Variants in ADGRA2 observed in about 807,000 individuals in gnomAD.
ADGRA2 encodes G-protein coupled receptor 124.
A neutral mutation model predicts 98.7 loss-of-function variants in ADGRA2; 61 were observed. That is an observed-to-expected ratio of 0.62 (90% CI 0.50 to 0.76). ADGRA2 has a LOEUF of 0.76. Among genes scored for constraint, ADGRA2 ranks in the 30% least tolerant of loss-of-function variants. The pLI, the probability that ADGRA2 is intolerant of heterozygous loss-of-function variation, is 0.00. For missense variants in ADGRA2, 1,712 were observed against 1,860.0 expected (o/e 0.92, Z 1.46); for synonymous variants, 858 against 831.5 (o/e 1.03, Z -0.55).
At chr8:37,821,922 G>A (rs1455782153) in intron 2 of ADGRA2, among the ~76,000 whole-genome samples, 2 of 152,138 alleles carry the variant, frequency 1.3e-5, no homozygotes, top group Non-Finnish European at 2.9e-5. Flanking sequence ...GGGGCCGAGG[G>A]TGAGGCTGCT....
At chr8:37,812,703 T>C (rs1053808287) in intron 1 of ADGRA2, among the ~76,000 whole-genome samples, 6 of 151,906 alleles carry the variant, frequency 3.9e-5, no homozygotes, top group Non-Finnish European at 8.8e-5. Context: ...GTCTCACTCT[T>C]GCCCAGGGTG....
chr8:37,842,022 C>CAGCT lies in ADGRA2; in HGVS notation c.3686_3689dup (p.Tyr1230Ter). ...GCAGTCTGCACAACAGCCCCACCGA[C>CAGCT]AGCTACCTGGGCAGCAGCCGCAACA... On this transcript the variant is annotated frameshift_variant, in exon 19 of 19. Coordinates refer to ENST00000412232, the MANE Select transcript of ADGRA2 (RefSeq NM_032777.10). LOFTEE classifies it low-confidence loss of function (END_TRUNC). 1 of 1,519,898 alleles carries CAGCT rather than the reference C, an allele frequency of 6.6e-7. No individual in the cohort carries two copies. The highest frequency in any genetic ancestry group is 8.8e-7 in the Non-Finnish European group (1 of 1,141,112). The allele number at this position is 1,519,898 out of a possible 1,614,324, so 94.2% of individuals were successfully genotyped here.
intron 15 of ADGRA2, 47 bp from the exon 16 acceptor site, chr8:37,839,452 C>T (rs1254235003): frequency 6.2e-7 from 1 of 1,610,108 alleles, no homozygotes; most frequent in Non-Finnish European, 8.5e-7. Context: ...CCCCATGGGC[C>T]TGACCTTGGG....
chr8:37,840,835 G>A lies in ADGRA2; in HGVS notation c.2733G>A (p.Arg911=). ...CTGCAGTCAACATCCACAACTACCG[G>A]GACCACAGCCCCTAGTGAGCACCCC... is the stretch of plus-strand genomic sequence containing the variant. ...ITAAVNIHNY[R]DHSPYCWLVW... Residue 911 remains arginine (R), a synonymous_variant, in exon 18 of 19, where the codon CGG becomes CGA. Coordinates refer to ENST00000412232, the MANE Select transcript of ADGRA2 (RefSeq NM_032777.10). The A allele has an allele frequency of 6.2e-7, 1 of 1,600,778 alleles. No individual in the cohort carries two copies. Among genetic ancestry groups the A allele is most frequent in the East Asian group, 2.2e-5 (1 of 44,812 alleles).
At chr8:37,829,814 T>C in intron 5 of ADGRA2, 37 bp from the exon 6 acceptor site, 1 of 1,589,292 alleles carries the variant, frequency 6.3e-7, no homozygotes, top group South Asian at 1.1e-5. Flanking sequence ...CCACACTCCC[T>C]CTGCTCTGCT....
Position 37,841,792 on chromosome 8 carries a change from G to C in ADGRA2, c.3454G>C (p.Ala1152Pro). 1 of 1,531,694 alleles carries C rather than the reference G, an allele frequency of 6.5e-7. No individual in the cohort carries two copies. 94.9% of individuals were successfully genotyped at this position (1,531,694 alleles called of 1,614,324 possible). Reference protein sequence around the residue: ...AQSQVCEAGAAAGGEGEPEPA... With the variant: ...AQSQVCEAGAPAGGEGEPEPA... ...GAGTCAGGTGTGCGAGGCGGGGGCG[G>C]CGGCCGGCGGGGAAGGAGAGCCGGA... The change falls in exon 19 of 19, where the codon GCG (alanine) becomes CCG (proline). Residue 1152 changes from alanine (A) to proline (P), a missense_variant. Physicochemically the swap from Ala to Pro is conservative, Grantham distance 27. Coordinates refer to ENST00000412232, the MANE Select transcript of ADGRA2 (RefSeq NM_032777.10). This position sits in a 1 kb window ranked among gnomAD's most constrained non-coding sequence, Gnocchi z 5.0.
rs924698711 is a variant in ADGRA2, at chr8:37,802,358, A to C, written c.266+4824A>C. Among the ~76,000 whole-genome samples, 3 of 152,124 alleles carry C rather than the reference A, an allele frequency of 2.0e-5. No homozygotes were observed. The highest frequency in any genetic ancestry group is 7.2e-5 in the African/African-American group (3 of 41,432). On this transcript the variant is annotated intron_variant, in intron 1 of 18. Transcript: ENST00000412232. This position sits in a 1 kb window ranked among gnomAD's most constrained non-coding sequence, Gnocchi z 4.7. ...CCTTCTCTTCCACCAGCTTTCCCCC[A>C]TATGGTTCTCATAAGGTCTGGGCGC...
intron 15 of ADGRA2, 107 bp downstream of exon 15, chr8:37,839,190 T>C: frequency 6.9e-7 from 1 of 1,454,808 alleles, no homozygotes; most frequent in Non-Finnish European, 9.6e-7. Context: ...ATTCCAGCTT[T>C]GCAATGGGGG....
intron 1 of ADGRA2, among the ~76,000 whole-genome samples, chr8:37,801,176 C>A (rs1804491538): frequency 6.6e-6 from 1 of 152,214 alleles, no homozygotes. Flanking sequence ...ACTCTGCCTT[C>A]TGTTTTTGCA....
At chr8:37,826,420 T>C (rs1362820037) in intron 2 of ADGRA2, among the ~76,000 whole-genome samples, 1 of 152,100 alleles carries the variant, frequency 6.6e-6, no homozygotes, top group Non-Finnish European at 1.5e-5. Flanking sequence ...CTAGGATCAG[T>C]GTCCTGGCAC....
At chr8:37,829,644 G>T (rs1805395037) in intron 5 of ADGRA2, 85 bp downstream of exon 5, 1 of 1,097,570 alleles carries the variant, frequency 9.1e-7, no homozygotes, top group Non-Finnish European at 1.4e-6. Flanking sequence ...TGACCACCAG[G>T]ACTGGTCTCA....
At chr8:37,798,150 G>A (rs1025823453) in intron 1 of ADGRA2, among the ~76,000 whole-genome samples, 4 of 152,152 alleles carry the variant, frequency 2.6e-5, no homozygotes. Context: ...AGACCCTGGC[G>A]TCCCCATCCC....
In ADGRA2 at chr8:37,817,387, A is replaced by G. The variant is rs145206402; in HGVS notation, c.338+2420A>G. Among the ~76,000 whole-genome samples, 348 of 152,010 alleles carry G rather than the reference A, an allele frequency of 2.3e-3. 1 individual carries two copies. The highest frequency in any genetic ancestry group is 8.1e-3 in the African/African-American group (334 of 41,302). On this transcript the variant is annotated intron_variant, in intron 2 of 18. Coordinates refer to ENST00000412232, the MANE Select transcript of ADGRA2 (RefSeq NM_032777.10). The stretch of plus-strand genomic sequence containing the variant: ...CACAGACAGAGTGGTCCTGATGCAC[A>G]GGAAGGGCTGCCACCAAGCTGCTAT...
intron 8 of ADGRA2, among the ~76,000 whole-genome samples, chr8:37,832,159 T>C (rs896475309): frequency 1.3e-5 from 2 of 150,724 alleles, no homozygotes; most frequent in Non-Finnish European, 2.9e-5. Context: ...TGGAGTGCAA[T>C]GGCATGATCT....
Position 37,842,749 on chromosome 8 carries a change from CTG to C in ADGRA2, c.*398_*399del. ...CAAAGCAGAGATGAGAGCGTGGGAA[CTG>C]TGTTCTTTCCTCCCTGCCCTCTACT... On this transcript the variant is annotated 3_prime_UTR_variant, in exon 19 of 19. Transcript: ENST00000412232. 5.5e-6 allele frequency: 1 copy of C among 182,938 alleles called. No homozygotes were observed. Among genetic ancestry groups the C allele is most frequent in the Non-Finnish European group, 1.1e-5 (1 of 88,760 alleles). 11.3% of individuals were successfully genotyped at this position (182,938 alleles called of 1,614,324 possible).
chr8:37,819,525 T>A (rs541700001), intron 2 of ADGRA2, among the ~76,000 whole-genome samples: 2 of 151,324 alleles, frequency 1.3e-5, no homozygotes, highest in African/African-American at 4.9e-5. Flanking sequence ...CACGCCACCA[T>A]GCCCAGCTAA....
intron 1 of ADGRA2, among the ~76,000 whole-genome samples, chr8:37,810,828 T>C (rs1475980991): frequency 1.3e-5 from 2 of 151,976 alleles, no homozygotes; most frequent in Non-Finnish European, 2.9e-5. Flanking sequence ...AAATGAACTT[T>C]TAGGCTGGGC....
chr8:37,828,741 C>T (rs1186695672), intron 2 of ADGRA2, 147 bp from the exon 3 acceptor site: 10 of 533,500 alleles, frequency 1.9e-5, no homozygotes, highest in South Asian at 3.5e-5. Context: ...ACCTCCCACC[C>T]GGTGCTGAGG....
intron 1 of ADGRA2, among the ~76,000 whole-genome samples, chr8:37,807,720 T>G (rs1052461602): frequency 5.9e-5 from 9 of 151,978 alleles, no homozygotes; most frequent in Non-Finnish European, 1.2e-4. Context: ...CAGTGGCAGG[T>G]GTTGGAGACA....
Sources: gnomAD v4.1 joint callset for allele counts (sites outside exome capture counted in the v4.1 genomes callset) on GRCh38, gnomAD v4.1.1 for gene constraint, Gnocchi (gnomAD v3.1) non-coding constraint, MANE v1.5 for transcripts, NCBI Gene and HGNC (gene_info 2026-07-23, HGNC 2026-07-21) for gene names.